The following TELO2 variants were observed in gnomAD, a reference collection of about 807,000 sequenced individuals.
The protein encoded by TELO2 is telomere length regulation protein TEL2 homolog.
In TELO2, 71 loss-of-function variants were observed where a neutral mutation model predicts 91.0. The observed-to-expected ratio is 0.78, with a 90% CI of 0.64 to 0.95. The LOEUF is 0.95. Among genes scored for constraint, TELO2 ranks in the 40% least tolerant of loss-of-function variants. The pLI is 0.00. For missense variants in TELO2, 1,183 were observed against 1,141.3 expected, an observed-to-expected ratio of 1.04 and a Z score of -0.53; for synonymous variants, 584 against 518.9, an observed-to-expected ratio of 1.13 and a Z score of -1.71.
intron 5 of TELO2, among the ~76,000 whole-genome samples, chr16:1,498,896 T>C (rs2039581472): frequency 6.6e-6 from 1 of 152,096 alleles, no homozygotes; most frequent in Admixed American, 6.6e-5. Flanking sequence ...CGCTGCATGT[T>C]TTTGTAAATA....
Position 1,502,111 on chromosome 16 carries a change from G to A in TELO2, c.1537G>A (p.Ala513Thr), listed in dbSNP as rs771455844. The A allele has an allele frequency of 6.2e-7, 1 of 1,613,064 alleles. No homozygotes were observed. Among genetic ancestry groups the A allele is most frequent in the Non-Finnish European group, 8.5e-7 (1 of 1,179,962 alleles). ...AGAGCTGAAGAGCAGCAAGGCTCCT[G>A]CCTACGTCCGGGACTGCGTGGAAGG... ...DRELKSSKAP[A>T]YVRDCVEALT... is the part of the protein sequence containing the mutation. Residue 513 changes from alanine to threonine, a missense_variant, in exon 12 of 21, where the codon GCC becomes ACC. Physicochemically the swap from Ala to Thr is moderately conservative, Grantham distance 58. Coordinates refer to ENST00000262319, the MANE Select transcript of TELO2 (RefSeq NM_016111.4).
chr16:1,509,261 T>C (rs1387525251), intron 20 of TELO2, among the ~76,000 whole-genome samples: 1 of 152,024 alleles, frequency 6.6e-6, no homozygotes, highest in Non-Finnish European at 1.5e-5. Context: ...CACAGGCACC[T>C]CCCACAAGGG....
intron 16 of TELO2, 133 bp from the exon 17 acceptor site, chr16:1,506,105 G>A: frequency 1.0e-6 from 1 of 967,570 alleles, no homozygotes; most frequent in South Asian, 1.5e-5. Context: ...AGCTGGGCGG[G>A]GCCGGAAGAG....
At chr16:1,501,879 T>G (rs951986600) in intron 11 of TELO2, 106 bp downstream of exon 11, 14 of 1,452,602 alleles carry the variant, frequency 9.6e-6, no homozygotes, top group Middle Eastern at 1.8e-4. Context: ...GCTCCGTGCT[T>G]CTTCTCTTTC....
At chr16:1,504,715 G>A (rs1250169490) in intron 15 of TELO2, among the ~76,000 whole-genome samples, 11 of 151,272 alleles carry the variant, frequency 7.3e-5, no homozygotes, top group Non-Finnish European at 8.8e-5. Flanking sequence ...CCGCCACCAC[G>A]CCCGGCTAAT....
chr16:1,510,146 G>GGA lies in TELO2; in HGVS notation c.*211_*212dup. ...CACTGGGCCTGGGCACTGCCCGCCG[G>GGA]GACATGGCAGCCTGGACGTGGGGCT... is the stretch of plus-strand genomic sequence containing the variant. On this transcript the variant is annotated 3_prime_UTR_variant, in exon 21 of 21. Coordinates refer to ENST00000262319, the MANE Select transcript of TELO2 (RefSeq NM_016111.4). 1.8e-6 allele frequency: 1 copy of GGA among 563,824 alleles called. No homozygotes were observed. Among genetic ancestry groups the GGA allele is most frequent in the Non-Finnish European group, 3.2e-6 (1 of 314,996 alleles). The allele number at this position is 563,824 out of a possible 1,614,324, so 34.9% of individuals were successfully genotyped here. A position where few individuals can be genotyped will look rare whatever the true frequency, so the allele number is the denominator to read the frequency against.
intron 19 of TELO2, 80 bp from the exon 20 acceptor site, chr16:1,507,521 G>C: frequency 6.7e-7 from 1 of 1,487,222 alleles, no homozygotes. Context: ...CCGCAGCGTG[G>C]GTGGTCTGCC....
intron 20 of TELO2, among the ~76,000 whole-genome samples, chr16:1,509,181 AG>A (rs1300928043): frequency 6.6e-6 from 1 of 152,128 alleles, no homozygotes; most frequent in African/African-American, 2.4e-5. Flanking sequence ...CAGGAGGAGC[AG>A]GGGGGCCCTG....
intron 20 of TELO2, among the ~76,000 whole-genome samples, chr16:1,508,693 G>A (rs988488233): frequency 6.6e-6 from 1 of 152,220 alleles, no homozygotes; most frequent in African/African-American, 2.4e-5. Context: ...CTCCCCACCT[G>A]GGCGCAGTGC....
rs9934280 is a variant in TELO2 at position 1,494,356 on chromosome 16, C to G, written c.75C>G (p.Gly25=). ...AIHALSSSED[G]GHIFCTLESL... ...ATGCCCTCTCGTCTTCGGAGGATGG[C>G]GGCCACATCTTCTGCACCCTGGAGT... The change falls in exon 2 of 21, where the codon GGC becomes GGG. Residue 25 remains glycine, a synonymous_variant. Coordinates refer to ENST00000262319, the MANE Select transcript of TELO2 (RefSeq NM_016111.4). The surrounding 1 kb of genome is among the most constrained non-coding windows in gnomAD (Gnocchi z 5.6). The G allele has an allele frequency of 6.2e-7, 1 of 1,613,542 alleles. No homozygotes were observed. Among genetic ancestry groups the G allele is most frequent in the Admixed American group, 1.7e-5 (1 of 60,014 alleles).
In TELO2 at chr16:1,496,966, C is replaced by G; in HGVS notation, c.614-70C>G. The G allele has an allele frequency of 3.3e-6, 5 of 1,502,590 alleles. No individual in the cohort carries two copies. In the South Asian group the frequency reaches 5.9e-5, roughly 18 times the overall value. The allele number at this position is 1,502,590 out of a possible 1,614,324, so 93.1% of individuals were successfully genotyped here. On this transcript the variant is annotated intron_variant, in intron 3 of 20. Transcript: ENST00000262319. ...GGAGTCCGCCTGACCGAGAGCAGCTCTCCCCACACCTAGATGTTCTTTTGT... is the reference window on the plus strand; with the variant it reads ...GGAGTCCGCCTGACCGAGAGCAGCTGTCCCCACACCTAGATGTTCTTTTGT...
intron 9 of TELO2, 129 bp from the exon 10 acceptor site, chr16:1,501,291 C>A: frequency 1.0e-6 from 1 of 965,796 alleles, no homozygotes; most frequent in Admixed American, 2.4e-5. Flanking sequence ...ACCTGGCTAT[C>A]CAGGGCCCAG....
chr16:1,505,517 C>T lies in TELO2; in HGVS notation c.1950C>T (p.Val650=). 6.2e-7 allele frequency: 1 copy of T among 1,613,130 alleles called. No individual in the cohort carries two copies. Among genetic ancestry groups the T allele is most frequent in the Non-Finnish European group, 8.5e-7 (1 of 1,179,990 alleles). Residue 650 remains valine, a synonymous_variant, in exon 16 of 21, where the codon GTC becomes GTT. Transcript: ENST00000262319. The surrounding 1 kb of genome is among the most constrained non-coding windows in gnomAD (Gnocchi z 4.3). ...PNTPCLPEAA[V]SQPGSAVASD... ...CCCCGTGCCTGCCAGAGGCAGCCGTCTCTCAGCCTGGCAGTGCCGTGGCGT... is the reference window on the plus strand; with the variant it reads ...CCCCGTGCCTGCCAGAGGCAGCCGTTTCTCAGCCTGGCAGTGCCGTGGCGT...
rs752774564 is a variant in TELO2 at position 1,500,096 on chromosome 16, A to G, written c.934A>G (p.Thr312Ala). 2.1e-5 allele frequency: 33 copies of G among 1,608,626 alleles called. No homozygotes were observed. Among genetic ancestry groups the G allele is most frequent in the Non-Finnish European group, 2.6e-5 (31 of 1,178,918 alleles). ...GGACAGGCATGTGCTTTTATTGCAG[A>G]CGCCCATGCTGCAGAGCCTGCTGGG... ...KLLFLQSRLT[T>A]PMLQSLLGHL... is the part of the protein sequence containing the mutation. The change falls in exon 7 of 21, where the codon ACG becomes GCG. Residue 312 changes from threonine (T) to alanine (A), a missense_variant and splice_region_variant. Transcript: ENST00000262319.
chr16:1,506,564 T>C, intron 17 of TELO2: 2 of 1,417,728 alleles, frequency 1.4e-6, no homozygotes, highest in Non-Finnish European at 1.8e-6. Context: ...GCTTGTGGCA[T>C]GGCCGGCAGT....
At chr16:1,502,880 C>G (rs746728086) in intron 14 of TELO2, 51 bp from the exon 15 acceptor site, 1 of 1,605,908 alleles carries the variant, frequency 6.2e-7, no homozygotes. Context: ...GAGGTCGCCC[C>G]GGGTGGCCCT....
Position 1,505,281 on chromosome 16 carries a change from TC to T in TELO2, c.1843-126del. The T allele has an allele frequency of 8.8e-7, 1 of 1,136,496 alleles. No homozygotes were observed. The highest frequency in any genetic ancestry group is 2.5e-5 in the East Asian group (1 of 40,032). The allele number at this position is 1,136,496 out of a possible 1,614,324, so 70.4% of individuals were successfully genotyped here. ...ACGGGGAAGTGACTTTTCTCCTTGTTCCCAGAACACACCTTCTCCCAGGCTG... is the reference window on the plus strand; with the variant it reads ...ACGGGGAAGTGACTTTTCTCCTTGTTCCAGAACACACCTTCTCCCAGGCTG... On this transcript the variant is annotated intron_variant, in intron 15 of 20. Coordinates refer to ENST00000262319, the MANE Select transcript of TELO2 (RefSeq NM_016111.4). This position sits in a 1 kb window ranked among gnomAD's most constrained non-coding sequence, Gnocchi z 4.3.
chr16:1,497,632 A>AG lies in TELO2; in HGVS notation c.830+124_830+125insG. ...CAGCTGGCACCCCCATGTAGGTGCC[A>AG]CAGGGTGTGGGTGGTGCCCTCTCAG... On this transcript the variant is annotated intron_variant, in intron 5 of 20. Coordinates refer to ENST00000262319, the MANE Select transcript of TELO2 (RefSeq NM_016111.4). This position sits in a 1 kb window ranked among gnomAD's most constrained non-coding sequence, Gnocchi z 4.0. The AG allele has an allele frequency of 7.4e-7, 1 of 1,350,538 alleles. No individual in the cohort carries two copies. The highest frequency in any genetic ancestry group is 2.6e-5 in the Admixed American group (1 of 38,644). The allele number at this position is 1,350,538 out of a possible 1,614,324, so 83.7% of individuals were successfully genotyped here.
Position 1,497,469 on chromosome 16 carries a change from T to C in TELO2, c.791T>C (p.Met264Thr), listed in dbSNP as rs2039532599. ...RLVEQVPDRA[M>T]EAVLTGLVEA... ...GTGGAGCAAGTGCCGGACCGGGCCATGGAGGCTGTGCTGACCGGGCTGGTG... is the reference window on the plus strand; with the variant it reads ...GTGGAGCAAGTGCCGGACCGGGCCACGGAGGCTGTGCTGACCGGGCTGGTG... The change falls in exon 5 of 21, where the codon ATG (methionine) becomes ACG (threonine). Residue 264 changes from methionine (M) to threonine (T), a missense_variant. Met to Thr is a moderately conservative substitution (Grantham distance 81). Transcript: ENST00000262319. The surrounding 1 kb of genome is among the most constrained non-coding windows in gnomAD (Gnocchi z 4.0). 6.3e-7 allele frequency: 1 copy of C among 1,575,254 alleles called. No homozygotes were observed. The highest frequency in any genetic ancestry group is 8.6e-7 in the Non-Finnish European group (1 of 1,162,438).
Sources: allele counts gnomAD v4.1 joint callset (sites outside exome capture counted in the v4.1 genomes callset), GRCh38; gene constraint gnomAD v4.1.1; non-coding constraint Gnocchi (gnomAD v3.1); transcripts MANE v1.5; gene names NCBI Gene and HGNC (gene_info 2026-07-23, HGNC 2026-07-21).